RTL9: variants seen among roughly 807,000 people sequenced by gnomAD.
The protein encoded by RTL9 is retrotransposon Gag-like protein 9.
In RTL9, 19 loss-of-function variants were observed where a neutral mutation model predicts 44.7. That is an observed-to-expected ratio of 0.42 (90% CI 0.30 to 0.62). RTL9 has a LOEUF of 0.62. Among genes scored for constraint, RTL9 ranks in the 20% least tolerant of loss-of-function variants. RTL9 has a pLI of 0.16. For synonymous variants in RTL9, 407 were observed against 398.9 expected (o/e 1.02, Z -0.24); for missense variants, 1,105 against 1,080.6 (o/e 1.02, Z -0.32).
Position 110,405,093 on chromosome X carries a change from C to G in RTL9, c.-167-40060C>G, listed in dbSNP as rs772955322. Among the ~76,000 whole-genome samples the G allele has an allele frequency of 3.4e-4, 34 of 99,477 alleles. 1 individual carries two copies. Among genetic ancestry groups the G allele is most frequent in the Admixed American group, 1.4e-3 (13 of 9,158 alleles). The allele number at this position is 99,477 out of a possible 115,157, so 86.4% of individuals were successfully genotyped here. On this transcript the variant is annotated intron_variant, in intron 1 of 2. Coordinates refer to the RTL9 transcript ENST00000520821. ...ATTCAGGTGTGCTTGTTGTGTCCCC[C>G]CCCCCCCCAAGCATGAGTCAGAGCC...
intron 1 of RTL9, among the ~76,000 whole-genome samples, chrX:110,375,582 G>C (rs936587377): frequency 8.9e-6 from 1 of 111,775 alleles, no homozygotes; most frequent in Non-Finnish European, 1.9e-5. Flanking sequence ...CAATCAATTA[G>C]AGCCTGCCCT....
At chrX:110,412,792 T>C (rs1381954517) in intron 1 of RTL9, among the ~76,000 whole-genome samples, 3 of 112,175 alleles carry the variant, frequency 2.7e-5, no homozygotes, top group African/African-American at 9.7e-5. Context: ...AGAGTAAGTA[T>C]AGTAGGATCT....
intron 1 of RTL9, among the ~76,000 whole-genome samples, chrX:110,436,177 A>G (rs1033096879): frequency 8.9e-6 from 1 of 112,233 alleles, no homozygotes; most frequent in Non-Finnish European, 1.9e-5. Flanking sequence ...TTTGTGAAGT[A>G]TCTTTAGAGC....
chrX:110,364,267 A>G (rs1272843163), intron 1 of RTL9, among the ~76,000 whole-genome samples: 1 of 111,634 alleles, frequency 9.0e-6, no homozygotes, highest in African/African-American at 3.3e-5. Flanking sequence ...GCCCACCCTA[A>G]TCCAGGATGA....
At chrX:110,405,912 T>G (rs2068597804) in intron 1 of RTL9, among the ~76,000 whole-genome samples, 1 of 111,648 alleles carries the variant, frequency 9.0e-6, no homozygotes, top group Non-Finnish European at 1.9e-5. Context: ...ATATTTTCTC[T>G]TTTACCAAAT....
At chrX:110,412,453 G>A (rs1335766756) in intron 1 of RTL9, among the ~76,000 whole-genome samples, 1 of 112,152 alleles carries the variant, frequency 8.9e-6, no homozygotes, top group Admixed American at 9.4e-5. Flanking sequence ...TTGAGCCTTG[G>A]TTAGACTGCC....
intron 1 of RTL9, among the ~76,000 whole-genome samples, chrX:110,441,542 CTG>C (rs2068879810): frequency 8.9e-6 from 1 of 112,437 alleles, no homozygotes; most frequent in South Asian, 3.7e-4. Flanking sequence ...TTATCTGAAA[CTG>C]TTGGAGCTAG....
exon 1 of RTL9, chrX:110,451,565 C>T: frequency 8.3e-7 from 1 of 1,211,686 alleles, no homozygotes; most frequent in Non-Finnish European, 1.1e-6. Flanking sequence ...CATCTCCAGG[C>T]TCTGAAGTAA....
intron 1 of RTL9, 32 bp downstream of exon 1, chrX:110,358,948 G>A (rs969399236): frequency 9.0e-6 from 1 of 111,562 alleles, no homozygotes; most frequent in African/African-American, 3.3e-5. Context: ...TATCTAACAC[G>A]TTCTTCTATA....
At chrX:110,384,620 T>C (rs7049345) in intron 1 of RTL9, among the ~76,000 whole-genome samples, 12,470 of 110,707 alleles carry the variant, frequency 0.11, 1,241 homozygotes, top group African/African-American at 0.32. Context: ...CTCTATTTGT[T>C]CCTAAGAATC....
chrX:110,416,796 T>C (rs1376120819), upstream of RTL9, among the ~76,000 whole-genome samples: 1 of 112,254 alleles, frequency 8.9e-6, no homozygotes, highest in Non-Finnish European at 1.9e-5. Flanking sequence ...CAAGACTAGC[T>C]TAGAGGCAAG....
At chrX:110,378,004 G>A (rs1488324480) in intron 1 of RTL9, among the ~76,000 whole-genome samples, 1 of 58,482 alleles carries the variant, frequency 1.7e-5, no homozygotes, top group East Asian at 4.9e-4. Context: ...GCGAGACTCC[G>A]TCTCAAAAAA....
At chrX:110,417,604 A>G (rs1345418932), upstream of RTL9, among the ~76,000 whole-genome samples, 2 of 111,796 alleles carry the variant, frequency 1.8e-5, no homozygotes, top group Non-Finnish European at 3.8e-5. Flanking sequence ...CATTTTATAC[A>G]CATGAGGAAA....
chrX:110,424,746 T>G (rs1408519067), intron 1 of RTL9, among the ~76,000 whole-genome samples: 1 of 111,599 alleles, frequency 9.0e-6, no homozygotes, highest in African/African-American at 3.3e-5. Context: ...TTCTGTAAAA[T>G]GTTTGAAAGA....
chrX:110,409,189 C>CT lies in RTL9; in HGVS notation c.-167-35954dup, dbSNP rs987456001. 1.3e-3 allele frequency among the ~76,000 whole-genome samples: 134 copies of CT among 106,543 alleles called. 1 individual carries two copies. The East Asian group carries it at 0.013, about 10-fold the overall frequency. 92.5% of individuals were successfully genotyped at this position (106,543 alleles called of 115,157 possible). A position where few individuals can be genotyped will look rare whatever the true frequency, so the allele number is the denominator to read the frequency against. ...ATATAAAACTGGCAGGAGATGGGGA[C>CT]TTTTTTTTTTGAGACGGGGACTTTT... On this transcript the variant is annotated intron_variant, in intron 1 of 2. Transcript: ENST00000520821.
intron 1 of RTL9, among the ~76,000 whole-genome samples, chrX:110,439,290 CCT>C (rs1429904853): frequency 8.9e-6 from 1 of 111,955 alleles, no homozygotes; most frequent in Non-Finnish European, 1.9e-5. Context: ...GTTATTTTGG[CCT>C]CTCTTTCCAT....
intron 1 of RTL9, among the ~76,000 whole-genome samples, chrX:110,407,145 C>G (rs979610593): frequency 1.8e-5 from 2 of 112,227 alleles, no homozygotes; most frequent in African/African-American, 6.5e-5. Context: ...AAAGTGGGAA[C>G]CTGTTTAAGT....
chrX:110,437,314 T>C (rs1359696378), intron 1 of RTL9, among the ~76,000 whole-genome samples: 1 of 112,248 alleles, frequency 8.9e-6, no homozygotes, highest in Non-Finnish European at 1.9e-5. Flanking sequence ...GTGTTAATCA[T>C]TGCTGATTTT....
upstream of RTL9, among the ~76,000 whole-genome samples, chrX:110,447,420 T>C (rs2068914580): frequency 9.1e-6 from 1 of 110,427 alleles, no homozygotes; most frequent in Non-Finnish European, 1.9e-5. Context: ...GATTCAGCCA[T>C]TTGTAGTAAG....
Sources: gnomAD v4.1 joint callset for allele counts (sites outside exome capture counted in the v4.1 genomes callset) on GRCh38, gnomAD v4.1.1 for gene constraint, MANE v1.5 for transcripts, NCBI Gene and HGNC (gene_info 2026-07-23, HGNC 2026-07-21) for gene names.